Variants in SETD5 observed in about 807,000 individuals in gnomAD.
The protein encoded by SETD5 is SET domain containing 5, also known as histone-lysine N-methyltransferase SETD5.
Under a neutral mutation model 153.3 loss-of-function variants are expected in SETD5, and 44 were observed. The ratio of observed to expected loss-of-function variants is 0.29; its 90% CI spans 0.23 to 0.37. The LOEUF is 0.37. Ranked by LOEUF, SETD5 falls within the 10% of genes least tolerant of loss-of-function variation. The probability of loss-of-function intolerance (pLI) is 1.00; values close to 1 mark genes in which losing one functional copy is unlikely to be tolerated. For missense variants in SETD5, 1,544 were observed against 1,768.0 expected (o/e 0.87, Z 2.27); for synonymous variants, 716 against 645.2 (o/e 1.11, Z -1.66).
chr3:9,474,469 A>G lies in SETD5; in HGVS notation c.3518A>G (p.Glu1173Gly). 6.2e-7 allele frequency: 1 copy of G among 1,613,904 alleles called. No individual in the cohort carries two copies. Among genetic ancestry groups the G allele is most frequent in the South Asian group, 1.1e-5 (1 of 91,074 alleles). The change falls in exon 21 of 23, where the codon GAA becomes GGA. Residue 1173 changes from glutamate (E) to glycine (G), a missense_variant. Coordinates refer to ENST00000402198, the MANE Select transcript of SETD5 (RefSeq NM_001080517.3). ...SSRWMVPTSV[E>G]RLREGGSIPK... ...TACAGGATGGTTCCCACATCAGTAGAACGACTCCGAGAAGGAGGGAGCATC... is the reference window on the plus strand; with the variant it reads ...TACAGGATGGTTCCCACATCAGTAGGACGACTCCGAGAAGGAGGGAGCATC...
chr3:9,431,938 T>C (rs1302274111), intron 3 of SETD5: 3 of 155,402 alleles, frequency 1.9e-5, no homozygotes, highest in Non-Finnish European at 2.8e-5. Flanking sequence ...GAATACTTGT[T>C]TATCTAGTAA....
chr3:9,435,362 A>G (rs1430036324), intron 6 of SETD5, among the ~76,000 whole-genome samples: 1 of 152,178 alleles, frequency 6.6e-6, no homozygotes, highest in Non-Finnish European at 1.5e-5. Context: ...CTCTCATTGT[A>G]AACGAAATGT....
chr3:9,448,321 C>A, intron 15 of SETD5, 67 bp from the exon 16 acceptor site: 1 of 1,556,646 alleles, frequency 6.4e-7, no homozygotes, highest in Admixed American at 1.9e-5. Flanking sequence ...TTCTAGATGA[C>A]GTTTGTCTTT....
At chr3:9,445,518 G>T in intron 12 of SETD5, 139 bp from the exon 13 acceptor site, 1 of 882,502 alleles carries the variant, frequency 1.1e-6, no homozygotes, top group Non-Finnish European at 1.8e-6. Context: ...GTTATCATCT[G>T]TGTTTACCAT....
chr3:9,400,189 G>A (rs950937765), intron 1 of SETD5, among the ~76,000 whole-genome samples: 1 of 152,222 alleles, frequency 6.6e-6, no homozygotes, highest in African/African-American at 2.4e-5. Flanking sequence ...TTGGCATCTG[G>A]AAACTGGATC....
intron 17 of SETD5, among the ~76,000 whole-genome samples, chr3:9,460,153 A>G (rs1047129771): frequency 6.6e-6 from 1 of 152,100 alleles, no homozygotes; most frequent in African/African-American, 2.4e-5. Context: ...AGTTAATTGA[A>G]AAACTGGTAG....
At chr3:9,451,263 T>G (rs955683442) in intron 16 of SETD5, among the ~76,000 whole-genome samples, 2 of 152,228 alleles carry the variant, frequency 1.3e-5, no homozygotes, top group Non-Finnish European at 2.9e-5. Context: ...GAACCGGGAC[T>G]CGGTGAAAAT....
intron 2 of SETD5, among the ~76,000 whole-genome samples, chr3:9,427,788 A>G (rs943956127): frequency 1.2e-4 from 18 of 152,266 alleles, no homozygotes; most frequent in Non-Finnish European, 2.5e-4. Flanking sequence ...CATCCTTTCA[A>G]TGTTTTTTAC....
At chr3:9,459,728 A>G (rs2043719940) in intron 17 of SETD5, among the ~76,000 whole-genome samples, 1 of 151,938 alleles carries the variant, frequency 6.6e-6, no homozygotes, top group Admixed American at 6.6e-5. Context: ...AAAAAAAAAA[A>G]AAAAGAATAT....
intron 1 of SETD5, among the ~76,000 whole-genome samples, chr3:9,422,209 C>G (rs1271150172): frequency 6.6e-6 from 1 of 152,082 alleles, no homozygotes; most frequent in Non-Finnish European, 1.5e-5. Flanking sequence ...TGAAAATAAT[C>G]TGATCCTTTA....
intron 1 of SETD5, among the ~76,000 whole-genome samples, chr3:9,411,007 G>C (rs998940113): frequency 6.6e-6 from 1 of 151,758 alleles, no homozygotes. Flanking sequence ...TCCTGTCTCA[G>C]CCTCCCAAGT....
chr3:9,469,792 C>T (rs980632788), intron 18 of SETD5, among the ~76,000 whole-genome samples: 14 of 152,048 alleles, frequency 9.2e-5, no homozygotes, highest in African/African-American at 3.4e-4. Flanking sequence ...CAGTGATGAG[C>T]ATTAGTGGTC....
At chr3:9,417,676 G>T (rs1327928377) in intron 1 of SETD5, among the ~76,000 whole-genome samples, 1 of 151,718 alleles carries the variant, frequency 6.6e-6, no homozygotes. Context: ...TAGTAGAGAC[G>T]GGGTTTCACC....
chr3:9,433,571 G>A lies in SETD5; in HGVS notation c.72-274G>A, dbSNP rs1208195173. The A allele has an allele frequency of 8.5e-6, 11 of 1,299,456 alleles. No individual in the cohort carries two copies. The Admixed American group carries it at 2.5e-4, about 30-fold the overall frequency. The allele number at this position is 1,299,456 out of a possible 1,614,324, so 80.5% of individuals were successfully genotyped here. A position where few individuals can be genotyped will look rare whatever the true frequency, so the allele number is the denominator to read the frequency against. On this transcript the variant is annotated intron_variant, in intron 3 of 22. Transcript: ENST00000402198. ...AACTCCCCGCTCAGCTGGTACGTTT[G>A]TGTTTGTCATTAGGGACACCTTGTA...
At chr3:9,406,796 G>A (rs1403204386) in intron 1 of SETD5, among the ~76,000 whole-genome samples, 1 of 152,094 alleles carries the variant, frequency 6.6e-6, no homozygotes, top group African/African-American at 2.4e-5. Flanking sequence ...TTTTAGGATG[G>A]AGCTAAAAAT....
intron 7 of SETD5, 150 bp from the exon 8 acceptor site, chr3:9,440,306 G>C: frequency 1.7e-6 from 1 of 598,258 alleles, no homozygotes; most frequent in South Asian, 2.1e-5. Context: ...ATAGAAACCA[G>C]ATCCTCTGAC....
At chr3:9,427,571 A>G (rs1310092486) in intron 2 of SETD5, among the ~76,000 whole-genome samples, 7 of 152,156 alleles carry the variant, frequency 4.6e-5, no homozygotes. Context: ...TAAAATTTAC[A>G]TTAACCCCCT....
intron 16 of SETD5, among the ~76,000 whole-genome samples, chr3:9,450,837 G>T (rs986614546): frequency 3.9e-5 from 6 of 152,048 alleles, no homozygotes; most frequent in Non-Finnish European, 7.4e-5. Context: ...AATTAAAGTT[G>T]TATCTGTATA....
At chr3:9,448,758 A>G (rs930229374) in intron 16 of SETD5, 128 bp downstream of exon 16, 41 of 893,146 alleles carry the variant, frequency 4.6e-5, no homozygotes, top group Middle Eastern at 2.3e-4. Context: ...ATGTGAGTTT[A>G]TAATGAGTTA....
Sources: gnomAD v4.1 joint callset for allele counts (sites outside exome capture counted in the v4.1 genomes callset) on GRCh38, gnomAD v4.1.1 for gene constraint, MANE v1.5 for transcripts, NCBI Gene and HGNC (gene_info 2026-07-23, HGNC 2026-07-21) for gene names.